Variants in STAC observed in about 807,000 individuals in gnomAD.
STAC encodes SH3 and cysteine rich domain.
In STAC, 43 loss-of-function variants were observed where a neutral mutation model predicts 48.8. The ratio of observed to expected loss-of-function variants is 0.88; its 90% CI spans 0.69 to 1.14. The LOEUF (loss-of-function observed/expected upper bound fraction) is 1.14. STAC is among the 50% of genes most tolerant of loss of function. The probability of loss-of-function intolerance (pLI) is 0.00; values close to 1 mark genes in which losing one functional copy is unlikely to be tolerated. For missense variants in STAC, 497 were observed against 504.0 expected (o/e 0.99, Z 0.13); for synonymous variants, 193 against 179.5 (o/e 1.07, Z -0.60).
At chr3:36,406,001 G>A (rs776559635) in intron 1 of STAC, among the ~76,000 whole-genome samples, 10 of 152,282 alleles carry the variant, frequency 6.6e-5, no homozygotes, top group Non-Finnish European at 1.0e-4. Flanking sequence ...GGGATTATAC[G>A]CATGAGCCAC....
intron 10 of STAC, 87 bp from the exon 11 acceptor site, chr3:36,546,104 T>C: frequency 9.2e-7 from 1 of 1,083,708 alleles, no homozygotes; most frequent in Non-Finnish European, 1.4e-6. Flanking sequence ...TCCTGCAACC[T>C]CAGTCAGCAG....
At chr3:36,506,683 T>C (rs1201377101) in intron 8 of STAC, among the ~76,000 whole-genome samples, 1 of 152,086 alleles carries the variant, frequency 6.6e-6, no homozygotes, top group Non-Finnish European at 1.5e-5. Flanking sequence ...TTATTCTCTT[T>C]GTAGCAATTG....
intron 5 of STAC, among the ~76,000 whole-genome samples, chr3:36,489,886 T>A (rs984767380): frequency 1.3e-5 from 2 of 152,208 alleles, no homozygotes; most frequent in African/African-American, 4.8e-5. Context: ...GTTCTCAGTG[T>A]GTGGTCTCCG....
chr3:36,527,565 TA>T (rs1698964592), intron 8 of STAC, among the ~76,000 whole-genome samples: 1 of 151,600 alleles, frequency 6.6e-6, no homozygotes, highest in Non-Finnish European at 1.5e-5. Flanking sequence ...TAGAGGAAAA[TA>T]AGACTGTAAG....
At chr3:36,444,605 C>T (rs774946633) in intron 2 of STAC, among the ~76,000 whole-genome samples, 17 of 152,244 alleles carry the variant, frequency 1.1e-4, no homozygotes, top group South Asian at 4.1e-4. Context: ...TTTCGTTAGC[C>T]GAATTAAGTT....
intron 1 of STAC, among the ~76,000 whole-genome samples, chr3:36,407,774 G>A (rs932123958): frequency 1.3e-5 from 2 of 152,192 alleles, no homozygotes; most frequent in Admixed American, 1.3e-4. Context: ...CAATTTAGCA[G>A]CTTAAAGCAA....
chr3:36,414,633 G>T (rs896437590), intron 1 of STAC, among the ~76,000 whole-genome samples: 5 of 152,114 alleles, frequency 3.3e-5, no homozygotes, highest in African/African-American at 1.2e-4. Flanking sequence ...TTCTCCTTTA[G>T]CTCGGAGAAG....
intron 1 of STAC, among the ~76,000 whole-genome samples, chr3:36,427,669 C>T (rs568276176): frequency 5.3e-5 from 8 of 152,318 alleles, no homozygotes; most frequent in African/African-American, 1.9e-4. Context: ...GAGCATCTAA[C>T]ATGTGCCAGG....
At chr3:36,514,429 C>T (rs1368083648) in intron 8 of STAC, among the ~76,000 whole-genome samples, 1 of 151,778 alleles carries the variant, frequency 6.6e-6, no homozygotes, top group Admixed American at 6.6e-5. Context: ...TTTCCTGTTA[C>T]CCTACTTTGG....
chr3:36,546,250 G>T lies in STAC; in HGVS notation c.1170G>T (p.Lys390Asn). Residue 390 changes from lysine to asparagine, a missense_variant, in exon 11 of 11, where the codon AAG (lysine) becomes AAT (asparagine). Transcript: ENST00000273183. ...DGFIRVLSGK[K>N]KGLIPLDVLE... ...TTATCAGAGTCCTCAGTGGAAAAAA[G>T]AAAGGCCTCATCCCCCTTGATGTAC... 1 of 1,614,056 alleles carries T rather than the reference G, an allele frequency of 6.2e-7. No individual in the cohort carries two copies. Among genetic ancestry groups the T allele is most frequent in the Non-Finnish European group, 8.5e-7 (1 of 1,179,942 alleles).
intron 10 of STAC, among the ~76,000 whole-genome samples, chr3:36,534,059 C>CT (rs1699138040): frequency 6.6e-6 from 1 of 152,180 alleles, no homozygotes; most frequent in Non-Finnish European, 1.5e-5. Context: ...TTTGTCTCCA[C>CT]TTTAGTGTCC....
chr3:36,462,536 C>T (rs1031846935), intron 2 of STAC, among the ~76,000 whole-genome samples: 3 of 152,076 alleles, frequency 2.0e-5, no homozygotes, highest in African/African-American at 7.2e-5. Flanking sequence ...CCCTGGAGCC[C>T]TCCAATGTTA....
intron 1 of STAC, among the ~76,000 whole-genome samples, chr3:36,436,337 T>C (rs1371093710): frequency 2.0e-5 from 3 of 152,132 alleles, no homozygotes; most frequent in Non-Finnish European, 4.4e-5. Flanking sequence ...GCTGCTAGAG[T>C]GACCCTTTTA....
intron 1 of STAC, among the ~76,000 whole-genome samples, chr3:36,427,082 C>T (rs1700583235): frequency 6.6e-6 from 1 of 152,202 alleles, no homozygotes; most frequent in African/African-American, 2.4e-5. Context: ...GGAAAATGAA[C>T]TGTGGTCTGT....
At chr3:36,527,577 T>G (rs1294002833) in intron 8 of STAC, among the ~76,000 whole-genome samples, 1 of 151,862 alleles carries the variant, frequency 6.6e-6, no homozygotes, top group Admixed American at 6.6e-5. Flanking sequence ...AGACTGTAAG[T>G]GTGTAAGAAA....
At chr3:36,405,567 T>C (rs115426790) in intron 1 of STAC, among the ~76,000 whole-genome samples, 2,198 of 152,250 alleles carry the variant, frequency 0.014, 45 homozygotes, top group African/African-American at 0.047. Context: ...CTGATCGCTA[T>C]TTAAAGACCC....
intron 1 of STAC, among the ~76,000 whole-genome samples, chr3:36,430,482 C>T (rs966037601): frequency 4.6e-5 from 7 of 152,196 alleles, no homozygotes; most frequent in African/African-American, 1.7e-4. Context: ...AGACAATCTG[C>T]CCAGGTTTCC....
Position 36,443,874 on chromosome 3 carries a change from C to T in STAC, c.388+234C>T, listed in dbSNP as rs1395116155. Among the ~76,000 whole-genome samples, 1 of 152,160 alleles carries T rather than the reference C, an allele frequency of 6.6e-6. No homozygotes were observed. On this transcript the variant is annotated intron_variant, in intron 2 of 10. Coordinates refer to ENST00000273183, the MANE Select transcript of STAC (RefSeq NM_003149.3). This position sits in a 1 kb window ranked among gnomAD's most constrained non-coding sequence, Gnocchi z 4.2. Reference sequence around the variant, plus strand: ...AGTTGTAATCAGGACTTCAGCTGATCCCCTGTAGATCCCTAAAGCCCTTTA... The same window carrying T: ...AGTTGTAATCAGGACTTCAGCTGATTCCCTGTAGATCCCTAAAGCCCTTTA...
chr3:36,537,024 GATT>G (rs1559529913), intron 10 of STAC, among the ~76,000 whole-genome samples: 4 of 152,170 alleles, frequency 2.6e-5, no homozygotes, highest in Non-Finnish European at 4.4e-5. Context: ...TCAGAATGGT[GATT>G]ATTAAAGAGT....
Sources: gnomAD v4.1 joint callset for allele counts (sites outside exome capture counted in the v4.1 genomes callset) on GRCh38, gnomAD v4.1.1 for gene constraint, Gnocchi (gnomAD v3.1) non-coding constraint, MANE v1.5 for transcripts, NCBI Gene and HGNC (gene_info 2026-07-23, HGNC 2026-07-21) for gene names.